Variants in PCDH15 observed in about 807,000 individuals in gnomAD.
The protein encoded by PCDH15 is protocadherin related 15, also known as protocadherin-15.
Under a neutral mutation model 178.5 loss-of-function variants are expected in PCDH15, and 129 were observed. The observed-to-expected ratio is 0.72, with a 90% CI of 0.63 to 0.84. PCDH15 has a LOEUF of 0.84. PCDH15 is among the 40% of genes least tolerant of loss of function. The pLI is 0.00. For missense variants in PCDH15, 2,230 were observed against 2,099.9 expected (o/e 1.06, Z -1.21); for synonymous variants, 800 against 732.0 (o/e 1.09, Z -1.50).
At chr10:54,713,126 T>C (rs941237499) in intron 1 of PCDH15, among the ~76,000 whole-genome samples, 1 of 152,046 alleles carries the variant, frequency 6.6e-6, no homozygotes, top group African/African-American at 2.4e-5. Context: ...AGAACAGTTA[T>C]TTCTTTAGAC....
At chr10:55,246,508 A>G (rs972744640) in intron 1 of PCDH15, among the ~76,000 whole-genome samples, 4 of 152,202 alleles carry the variant, frequency 2.6e-5, no homozygotes, top group Non-Finnish European at 5.9e-5. Context: ...TCAAATTGGA[A>G]TTTAAAAGTT....
At chr10:54,144,284 AC>A (rs1379060872) in intron 14 of PCDH15, among the ~76,000 whole-genome samples, 1 of 152,100 alleles carries the variant, frequency 6.6e-6, no homozygotes, top group African/African-American at 2.4e-5. Flanking sequence ...ACTGAAACCG[AC>A]CAAACAGTCC....
chr10:54,790,296 T>C (rs556226395), intron 1 of PCDH15, among the ~76,000 whole-genome samples: 5 of 151,820 alleles, frequency 3.3e-5, no homozygotes, highest in African/African-American at 9.7e-5. Flanking sequence ...GTGACAACTA[T>C]CTATTAAAAA....
chr10:54,036,443 C>A (rs1366065998), intron 18 of PCDH15, among the ~76,000 whole-genome samples: 1 of 150,888 alleles, frequency 6.6e-6, no homozygotes, highest in Non-Finnish European at 1.5e-5. Flanking sequence ...CTTAAGAATT[C>A]TGTTAAATTT....
intron 2 of PCDH15, among the ~76,000 whole-genome samples, chr10:54,900,848 A>T (rs1326974839): frequency 6.6e-6 from 1 of 152,138 alleles, no homozygotes; most frequent in Admixed American, 6.6e-5. Context: ...CAAGCTACCA[A>T]AAAGCTCTCC....
chr10:55,104,316 C>T (rs1842631375), intron 2 of PCDH15, among the ~76,000 whole-genome samples: 1 of 152,090 alleles, frequency 6.6e-6, no homozygotes, highest in Admixed American at 6.5e-5. Context: ...TCTTGATCGG[C>T]AGAAGCTGCT....
intron 2 of PCDH15, among the ~76,000 whole-genome samples, chr10:55,617,573 G>A (rs1392129685): frequency 2.6e-5 from 4 of 151,940 alleles, no homozygotes; most frequent in Admixed American, 1.3e-4. Flanking sequence ...CCATGGCAGG[G>A]CAATAAACTG....
chr10:55,089,714 C>T (rs369673048), intron 2 of PCDH15, among the ~76,000 whole-genome samples: 7 of 152,050 alleles, frequency 4.6e-5, no homozygotes, highest in South Asian at 4.1e-4. Context: ...AGAGAACACA[C>T]ATCTTATTTC....
chr10:54,603,553 G>C lies in PCDH15; in HGVS notation c.91+60619C>G, dbSNP rs564996275. On this transcript the variant is annotated intron_variant, in intron 2 of 37. Coordinates refer to ENST00000644397, the MANE Select transcript of PCDH15 (RefSeq NM_001384140.1). ...TTAACAAACAGAAGCCATGTCTCTC[G>C]AGGCTGTGAGACAAGATGGTGGATC... 3.3e-5 allele frequency among the ~76,000 whole-genome samples: 5 copies of C among 151,004 alleles called. No individual in the cohort carries two copies. In the East Asian group the frequency reaches 9.8e-4, roughly 29 times the overall value.
intron 2 of PCDH15, among the ~76,000 whole-genome samples, chr10:54,535,991 A>G (rs1405698639): frequency 6.6e-6 from 1 of 152,172 alleles, no homozygotes; most frequent in Non-Finnish European, 1.5e-5. Context: ...ATTGTGGGTT[A>G]CAACTCTTCT....
At chr10:55,145,784 A>G (rs893342687) in intron 2 of PCDH15, among the ~76,000 whole-genome samples, 1 of 151,996 alleles carries the variant, frequency 6.6e-6, no homozygotes, top group African/African-American at 2.4e-5. Flanking sequence ...TTCCTACTGA[A>G]TAACATTTAT....
At chr10:55,595,223 T>C (rs1403226457) in intron 2 of PCDH15, among the ~76,000 whole-genome samples, 2 of 152,074 alleles carry the variant, frequency 1.3e-5, no homozygotes, top group African/African-American at 4.8e-5. Context: ...AGTTTATTTT[T>C]CTCTTCTTTT....
At chr10:53,925,359 C>A (rs1415603456) in intron 25 of PCDH15, among the ~76,000 whole-genome samples, 1 of 152,212 alleles carries the variant, frequency 6.6e-6, no homozygotes, top group Non-Finnish European at 1.5e-5. Context: ...TCTGCAGTTT[C>A]ACTCCTGAAG....
intron 10 of PCDH15, among the ~76,000 whole-genome samples, chr10:54,208,496 TCTCTCACC>T (rs1287029114): frequency 6.6e-6 from 1 of 151,846 alleles, no homozygotes; most frequent in Non-Finnish European, 1.5e-5. Flanking sequence ...CCCAGAAAGC[TCTCTCACC>T]CTCTCACCCT....
intron 2 of PCDH15, among the ~76,000 whole-genome samples, chr10:54,649,412 T>C (rs764216640): frequency 6.6e-6 from 1 of 152,144 alleles, no homozygotes. Flanking sequence ...TCATCAGAAT[T>C]GCATTCCGTG....
chr10:53,840,787 AAT>A (rs1245679411), intron 28 of PCDH15, among the ~76,000 whole-genome samples: 1 of 152,212 alleles, frequency 6.6e-6, no homozygotes, highest in Non-Finnish European at 1.5e-5. Flanking sequence ...AGAAATGCCA[AAT>A]ATGCTGTACA....
At chr10:55,342,295 A>G (rs953426408) in intron 2 of PCDH15, among the ~76,000 whole-genome samples, 9 of 152,030 alleles carry the variant, frequency 5.9e-5, no homozygotes, top group African/African-American at 1.7e-4. Flanking sequence ...TAAACTGTAC[A>G]TTATATTAAA....
intron 10 of PCDH15, among the ~76,000 whole-genome samples, chr10:54,203,970 T>C (rs1464641478): frequency 6.6e-6 from 1 of 152,218 alleles, no homozygotes; most frequent in African/African-American, 2.4e-5. Context: ...TCTTTATGGA[T>C]AGAAATTGCA....
intron 7 of PCDH15, among the ~76,000 whole-genome samples, chr10:54,322,913 C>T (rs761515244): frequency 4.6e-5 from 7 of 151,882 alleles, no homozygotes; most frequent in Non-Finnish European, 1.0e-4. Flanking sequence ...ACTGTCAATA[C>T]AGTAAACAGA....
Sources: gnomAD v4.1 joint callset for allele counts (sites outside exome capture counted in the v4.1 genomes callset) on GRCh38, gnomAD v4.1.1 for gene constraint, MANE v1.5 for transcripts, NCBI Gene and HGNC (gene_info 2026-07-23, HGNC 2026-07-21) for gene names.